The following EPHA4 variants were observed in gnomAD, a reference collection of about 807,000 sequenced individuals.
The protein encoded by EPHA4 is ephrin type-A receptor 4.
Under a neutral mutation model 108.3 loss-of-function variants are expected in EPHA4, and 19 were observed. The ratio of observed to expected loss-of-function variants is 0.18; its 90% CI spans 0.12 to 0.26. The LOEUF (loss-of-function observed/expected upper bound fraction) is 0.26, where lower values mean the gene tolerates loss of function less well. EPHA4 is among the 10% of genes least tolerant of loss of function. The pLI is 1.00. For missense variants in EPHA4, 917 were observed against 1,254.0 expected, an observed-to-expected ratio of 0.73 and a Z score of 4.06; for synonymous variants, 449 against 455.5, an observed-to-expected ratio of 0.99 and a Z score of 0.18.
At chr2:221,490,864 C>T (rs1030800037) in intron 4 of EPHA4, among the ~76,000 whole-genome samples, 1 of 152,194 alleles carries the variant, frequency 6.6e-6, no homozygotes, top group Non-Finnish European at 1.5e-5. Context: ...GGTTAGTTTA[C>T]ATAAAGATGG....
chr2:221,530,992 G>A (rs1177301510), intron 3 of EPHA4, among the ~76,000 whole-genome samples: 1 of 152,068 alleles, frequency 6.6e-6, no homozygotes, highest in East Asian at 1.9e-4. Flanking sequence ...ACTTATAACA[G>A]CTAATTTAGA....
rs1317043362 is a variant in EPHA4, at chr2:221,510,421, C to G, written c.824-9249G>C. On this transcript the variant is annotated intron_variant, in intron 3 of 17. Coordinates refer to ENST00000281821, the MANE Select transcript of EPHA4 (RefSeq NM_004438.5). ...TAGTTTCTAATTCAGATCATCTCCT[C>G]TGGCAAGACACAGTTCTATCCTATT... Among the ~76,000 whole-genome samples the G allele has an allele frequency of 3.3e-5, 5 of 152,312 alleles. No individual in the cohort carries two copies. The South Asian group carries it at 8.3e-4, about 25-fold the overall frequency.
At position 221,436,497 on chromosome 2, in the gene EPHA4, G is replaced by T; in HGVS notation, c.2248C>A (p.Arg750=). Residue 750 remains arginine (R), a synonymous_variant, in exon 13 of 18, where the codon CGG becomes AGG. Transcript: ENST00000281821. ...AAGTTGCTGTTCACCAGGATGTTCC[G>T]TGCGGCCAGATCACGATGCACATAG... ...MSYVHRDLAA[R]NILVNSNLVC... is the part of the protein sequence containing the mutation. The T allele has an allele frequency of 1.2e-6, 2 of 1,614,122 alleles. No individual in the cohort carries two copies. Among genetic ancestry groups the T allele is most frequent in the Non-Finnish European group, 8.5e-7 (1 of 1,180,022 alleles).
intron 4 of EPHA4, among the ~76,000 whole-genome samples, chr2:221,486,778 T>TA (rs1559262345): frequency 4.6e-5 from 6 of 129,072 alleles, no homozygotes; most frequent in East Asian, 2.5e-4. Flanking sequence ...TAATAATAAT[T>TA]GATGTCTTTA....
chr2:221,541,151 T>A (rs1693828089), intron 3 of EPHA4, among the ~76,000 whole-genome samples: 1 of 152,120 alleles, frequency 6.6e-6, no homozygotes, highest in Admixed American at 6.5e-5. Flanking sequence ...AGTCTTGCTA[T>A]GTTGCTTAGG....
chr2:221,539,628 G>T (rs535386527), intron 3 of EPHA4, among the ~76,000 whole-genome samples: 40 of 152,230 alleles, frequency 2.6e-4, no homozygotes, highest in Middle Eastern at 3.4e-3. Context: ...AAAATACAGC[G>T]TAAACTCCTC....
At chr2:221,534,365 T>C (rs1172988427) in intron 3 of EPHA4, among the ~76,000 whole-genome samples, 1 of 152,226 alleles carries the variant, frequency 6.6e-6, no homozygotes, top group Non-Finnish European at 1.5e-5. Context: ...GGCTAATCCA[T>C]ATCCAGTACT....
intron 7 of EPHA4, among the ~76,000 whole-genome samples, chr2:221,456,276 C>T (rs1170432326): frequency 6.6e-6 from 1 of 151,652 alleles, no homozygotes; most frequent in African/African-American, 2.4e-5. Context: ...GGAGAAAATT[C>T]CCTATATTAA....
intron 14 of EPHA4, among the ~76,000 whole-genome samples, chr2:221,431,282 T>C (rs1260626809): frequency 6.6e-6 from 1 of 152,182 alleles, no homozygotes; most frequent in Non-Finnish European, 1.5e-5. Flanking sequence ...GCCAGAGAAA[T>C]AAGCAGTGGT....
chr2:221,475,484 A>T (rs1691626409), intron 5 of EPHA4, among the ~76,000 whole-genome samples: 2 of 152,242 alleles, frequency 1.3e-5, no homozygotes. Context: ...ATATTCCACA[A>T]ATGATACCAG....
chr2:221,466,090 A>G (rs1691304314), intron 5 of EPHA4, among the ~76,000 whole-genome samples: 1 of 152,256 alleles, frequency 6.6e-6, no homozygotes, highest in Admixed American at 6.5e-5. Context: ...AGCCAGTGAC[A>G]GAGGCCGCGT....
chr2:221,518,265 C>A (rs1008997274), intron 3 of EPHA4, among the ~76,000 whole-genome samples: 5 of 152,128 alleles, frequency 3.3e-5, no homozygotes, highest in African/African-American at 1.2e-4. Flanking sequence ...TGGTCCTCAC[C>A]TCCAGCTTGT....
rs1694792803 is a variant in EPHA4 at position 221,570,338 on chromosome 2, G to C, written c.92-1553C>G. 2.0e-5 allele frequency among the ~76,000 whole-genome samples: 3 copies of C among 151,942 alleles called. No individual in the cohort carries two copies. The South Asian group carries it at 6.3e-4, about 32-fold the overall frequency. On this transcript the variant is annotated intron_variant, in intron 1 of 17. Coordinates refer to ENST00000281821, the MANE Select transcript of EPHA4 (RefSeq NM_004438.5). ...TCTCCCCCCCCCCCAAAAAAAGAGG[G>C]GGTTTAAAAAAAAGAAAGAAAACAG...
intron 4 of EPHA4, among the ~76,000 whole-genome samples, chr2:221,500,235 A>T (rs1692449046): frequency 6.6e-6 from 1 of 152,054 alleles, no homozygotes; most frequent in African/African-American, 2.4e-5. Context: ...TGGGAAACAA[A>T]CTCAAAATCT....
chr2:221,451,330 A>G (rs967385729), intron 8 of EPHA4, among the ~76,000 whole-genome samples: 4 of 152,204 alleles, frequency 2.6e-5, no homozygotes, highest in African/African-American at 9.6e-5. Flanking sequence ...TTACTATAAA[A>G]GGGAAGAGGG....
chr2:221,553,321 G>A (rs191976061), intron 3 of EPHA4, among the ~76,000 whole-genome samples: 10 of 152,300 alleles, frequency 6.6e-5, no homozygotes, highest in South Asian at 6.2e-4. Context: ...AGACAGCTGC[G>A]ATCCTAATGA....
intron 8 of EPHA4, among the ~76,000 whole-genome samples, chr2:221,447,804 C>T (rs1172420251): frequency 7.9e-6 from 1 of 125,892 alleles, no homozygotes; most frequent in Non-Finnish European, 1.7e-5. Flanking sequence ...TTGCATTTAA[C>T]TTTTCAAAGG....
intron 8 of EPHA4, among the ~76,000 whole-genome samples, chr2:221,455,345 C>T (rs571135325): frequency 1.3e-5 from 2 of 151,954 alleles, no homozygotes; most frequent in African/African-American, 2.4e-5. Context: ...TGGGTCCTTC[C>T]GGACCTCTCA....
At chr2:221,423,571 T>TG (rs1411668229) in intron 17 of EPHA4, among the ~76,000 whole-genome samples, 2 of 152,190 alleles carry the variant, frequency 1.3e-5, no homozygotes, top group Non-Finnish European at 2.9e-5. Context: ...ATTTCATACT[T>TG]CACCTCTCCT....
Sources: allele counts gnomAD v4.1 joint callset (sites outside exome capture counted in the v4.1 genomes callset), GRCh38; gene constraint gnomAD v4.1.1; transcripts MANE v1.5; gene names NCBI Gene and HGNC (gene_info 2026-07-23, HGNC 2026-07-21).